The following DNAH6 variants were observed in gnomAD, a reference collection of about 807,000 sequenced individuals.
DNAH6 encodes the protein axonemal beta dynein heavy chain 6.
DNAH6 carries 340 observed loss-of-function variants against 491.4 expected under a neutral mutation model. That is an observed-to-expected ratio of 0.69 (90% confidence interval 0.63 to 0.76). The LOEUF is 0.76. DNAH6 is among the 30% of genes least tolerant of loss of function. DNAH6 has a pLI of 0.00. For missense variants in DNAH6, 4,443 were observed against 4,972.2 expected (o/e 0.89, Z 3.20); for synonymous variants, 1,603 against 1,686.1 (o/e 0.95, Z 1.21).
chr2:84,599,737 A>G (rs72941053), intron 18 of DNAH6, among the ~76,000 whole-genome samples: 1,701 of 152,158 alleles, frequency 0.011, 28 homozygotes, highest in African/African-American at 0.037. Flanking sequence ...CTATTCTTTC[A>G]TCAATACTAC....
the DNAH6 span, among the ~76,000 whole-genome samples, chr2:84,497,208 T>C: frequency 6.6e-6 from 1 of 152,138 alleles, no homozygotes; most frequent in African/African-American, 2.4e-5. Context: ...TGACCTCTAG[T>C]GACCCGCCAG....
rs538233394 is a variant in DNAH6 at position 84,741,536 on chromosome 2, TAA to T, written c.10343-3542_10343-3541del. Among the ~76,000 whole-genome samples, 269 of 152,188 alleles carry T rather than the reference TAA, an allele frequency of 1.8e-3. 2 individuals carry two copies. The highest frequency in any genetic ancestry group is 6.1e-3 in the African/African-American group (253 of 41,506). On this transcript the variant is annotated intron_variant, in intron 62 of 76. Coordinates refer to ENST00000389394, the MANE Select transcript of DNAH6 (RefSeq NM_001370.2). ...CAAAAGGGCACCTTGGGCCTGGGGC[TAA>T]AGAGGGTGGGGCACCATTCAGGCAA...
chr2:84,608,472 C>T (rs1176158344), intron 21 of DNAH6, among the ~76,000 whole-genome samples: 1 of 152,192 alleles, frequency 6.6e-6, no homozygotes, highest in Non-Finnish European at 1.5e-5. Context: ...GTTGTGTTAG[C>T]AGGCATGAAA....
chr2:84,781,058 C>T (rs1676641376), intron 64 of DNAH6, among the ~76,000 whole-genome samples: 1 of 151,986 alleles, frequency 6.6e-6, no homozygotes, highest in African/African-American at 2.4e-5. Context: ...ATTCATTGAC[C>T]CATACACTAA....
intron 35 of DNAH6, among the ~76,000 whole-genome samples, chr2:84,655,504 CA>C (rs1302142794): frequency 6.6e-6 from 1 of 152,028 alleles, no homozygotes; most frequent in Non-Finnish European, 1.5e-5. Flanking sequence ...TCTCCCCCTC[CA>C]AAGATGAGCC....
intron 10 of DNAH6, among the ~76,000 whole-genome samples, chr2:84,553,417 CTTTCTTTCTTTCTT>C (rs1679678021): frequency 7.7e-6 from 1 of 129,464 alleles, no homozygotes; most frequent in Non-Finnish European, 1.7e-5. Context: ...TTCTTTCTTT[CTTTCTTTCTTTCTT>C]TCTTTTTCTC....
intron 33 of DNAH6, among the ~76,000 whole-genome samples, chr2:84,647,617 G>A (rs1690025151): frequency 6.6e-6 from 1 of 152,154 alleles, no homozygotes; most frequent in Admixed American, 6.5e-5. Flanking sequence ...AACAAGGCAT[G>A]GATGACAGTA....
the DNAH6 span, among the ~76,000 whole-genome samples, chr2:84,510,575 G>A: frequency 1.3e-5 from 2 of 151,190 alleles, no homozygotes; most frequent in East Asian, 1.9e-4. Flanking sequence ...CTCTCAACTC[G>A]TCAAAGTCAT....
intron 63 of DNAH6, among the ~76,000 whole-genome samples, chr2:84,753,162 G>A (rs1042630560): frequency 3.9e-5 from 6 of 152,020 alleles, no homozygotes; most frequent in African/African-American, 1.2e-4. Flanking sequence ...ATCTTTTCTT[G>A]TGCTTTTTGG....
At chr2:84,818,510 A>G (rs1680717327) in intron 76 of DNAH6, among the ~76,000 whole-genome samples, 1 of 149,912 alleles carries the variant, frequency 6.7e-6, no homozygotes, top group African/African-American at 2.5e-5. Context: ...AAAAAAAAAA[A>G]AAAGGGAAAA....
intron 19 of DNAH6, 26 bp downstream of exon 19, chr2:84,604,577 A>G (rs1685573190): frequency 1.5e-5 from 22 of 1,513,010 alleles, no homozygotes; most frequent in Non-Finnish European, 2.0e-5. Flanking sequence ...ATATTTATCT[A>G]TATACCATTA....
At chr2:84,794,542 G>C (rs1048320388) in intron 68 of DNAH6, among the ~76,000 whole-genome samples, 2 of 150,840 alleles carry the variant, frequency 1.3e-5, no homozygotes, top group Admixed American at 6.6e-5. Flanking sequence ...CTTCTCAAAA[G>C]AAGACATTTA....
At chr2:84,660,480 A>G (rs900939225) in intron 37 of DNAH6, among the ~76,000 whole-genome samples, 1 of 152,198 alleles carries the variant, frequency 6.6e-6, no homozygotes, top group Non-Finnish European at 1.5e-5. Context: ...CAGAAGGAAT[A>G]ATGGATAAAG....
At chr2:84,560,724 C>T (rs985606507) in intron 11 of DNAH6, among the ~76,000 whole-genome samples, 4 of 151,940 alleles carry the variant, frequency 2.6e-5, no homozygotes, top group African/African-American at 9.7e-5. Context: ...GTTTTTTGTC[C>T]TTGTGATAGT....
At chr2:84,545,498 T>G (rs1470050035) in intron 5 of DNAH6, among the ~76,000 whole-genome samples, 1 of 152,206 alleles carries the variant, frequency 6.6e-6, no homozygotes, top group Non-Finnish European at 1.5e-5. Flanking sequence ...GTAAAATAGT[T>G]CATTCTTGAT....
intron 16 of DNAH6, among the ~76,000 whole-genome samples, chr2:84,592,511 AAC>A (rs1282674068): frequency 6.6e-6 from 1 of 152,222 alleles, no homozygotes; most frequent in African/African-American, 2.4e-5. Context: ...GAATGGTGCA[AAC>A]ACTATGGAAA....
At chr2:84,635,044 C>G (rs1474986463) in intron 30 of DNAH6, among the ~76,000 whole-genome samples, 2 of 152,176 alleles carry the variant, frequency 1.3e-5, no homozygotes, top group Non-Finnish European at 2.9e-5. Flanking sequence ...AGGGCCCCCA[C>G]TACTCCCTTG....
intron 11 of DNAH6, among the ~76,000 whole-genome samples, chr2:84,570,709 A>G (rs551163610): frequency 3.9e-4 from 59 of 152,334 alleles, no homozygotes; most frequent in Non-Finnish European, 6.3e-4. Flanking sequence ...ACCAATCAGC[A>G]GGATATGGGC....
chr2:84,715,534 T>A, intron 57 of DNAH6, 26 bp from the exon 58 acceptor site: 1 of 1,549,814 alleles, frequency 6.5e-7, no homozygotes, highest in African/African-American at 1.4e-5. Flanking sequence ...TTAAGCATTT[T>A]TATGCACTCT....
Sources: gnomAD v4.1 joint callset for allele counts (sites outside exome capture counted in the v4.1 genomes callset) on GRCh38, gnomAD v4.1.1 for gene constraint, MANE v1.5 for transcripts, NCBI Gene and HGNC (gene_info 2026-07-23, HGNC 2026-07-21) for gene names.